Variants in KIT observed in about 807,000 individuals in gnomAD.
The protein encoded by KIT is mast/stem cell growth factor receptor Kit.
A neutral mutation model predicts 105.7 loss-of-function variants in KIT; 16 were observed. That is an observed-to-expected ratio of 0.15 (90% CI 0.10 to 0.23). The LOEUF is 0.23. Among genes scored for constraint, KIT ranks in the 10% least tolerant of loss-of-function variants. KIT has a pLI of 1.00. For missense variants in KIT, 858 were observed against 1,213.8 expected (o/e 0.71, Z 4.36); for synonymous variants, 438 against 441.1 (o/e 0.99, Z 0.09).
At chr4:54,658,472 G>T (rs1011389103) in intron 1 of KIT, among the ~76,000 whole-genome samples, 15 of 152,112 alleles carry the variant, frequency 9.9e-5, no homozygotes, top group African/African-American at 3.4e-4. Context: ...AGGCGCGGCC[G>T]CAGCTTCCTT....
chr4:54,695,547 T>C lies in KIT; in HGVS notation c.103T>C (p.Ser35Pro). The stretch of plus-strand genomic sequence containing the variant: ...ACCATCTGTGAGTCCAGGGGAACCG[T>C]CTCCACCATCCATCCATCCAGGAAA... ...SQPSVSPGEP[S>P]PPSIHPGKSD... Residue 35 changes from serine (S) to proline (P), a missense_variant, in exon 2 of 21, where the codon TCT becomes CCT. Around this residue, in one of 7 missense-constraint regions of KIT, gnomAD observed 401 missense variants for 601.0 expected, o/e 0.67. Transcript: ENST00000288135. 1 of 1,614,172 alleles carries C rather than the reference T, an allele frequency of 6.2e-7. No individual in the cohort carries two copies. The highest frequency in any genetic ancestry group is 1.3e-5 in the African/African-American group (1 of 75,042).
At chr4:54,722,943 G>A (rs1721989113) in intron 7 of KIT, among the ~76,000 whole-genome samples, 1 of 146,894 alleles carries the variant, frequency 6.8e-6, no homozygotes, top group African/African-American at 2.5e-5. Flanking sequence ...TCTTAGGCTG[G>A]TTTTCTTTTC....
chr4:54,736,858 C>G, intron 19 of KIT, 38 bp downstream of exon 19: 1 of 1,500,496 alleles, frequency 6.7e-7, no homozygotes, highest in Non-Finnish European at 9.3e-7. Context: ...GTCACGTTTT[C>G]CCTTTTATTT....
intron 1 of KIT, among the ~76,000 whole-genome samples, chr4:54,671,512 A>G (rs1017675453): frequency 2.6e-5 from 4 of 152,218 alleles, no homozygotes; most frequent in African/African-American, 9.7e-5. Context: ...TTAACTAATT[A>G]TGAACTCAGC....
Position 54,709,416 on chromosome 4 carries a change from C to T in KIT, c.1116-8C>T. 6.4e-7 allele frequency: 1 copy of T among 1,568,116 alleles called. No individual in the cohort carries two copies. Among genetic ancestry groups the T allele is most frequent in the Non-Finnish European group, 8.8e-7 (1 of 1,138,126 alleles). On this transcript the variant is annotated splice_region_variant and splice_polypyrimidine_tract_variant and intron_variant, in intron 6 of 20. Coordinates refer to ENST00000288135, the MANE Select transcript of KIT (RefSeq NM_000222.3). ...ACAGGTGATTGACTAGTTGTCTTTTCTTTGTAGATACGTAAGTGAACTTCA... is the reference window on the plus strand; with the variant it reads ...ACAGGTGATTGACTAGTTGTCTTTTTTTTGTAGATACGTAAGTGAACTTCA...
Position 54,694,581 on chromosome 4 carries a change from C to T in KIT, c.68-931C>T, listed in dbSNP as rs138906583. Among the ~76,000 whole-genome samples the T allele has an allele frequency of 5.7e-4, 86 of 152,140 alleles. No individual in the cohort carries two copies. The East Asian group carries it at 8.0e-3, about 14-fold the overall frequency. ...GTTGGGCGGTGGGGGCGTCTCACTGCGTTGCCCAGGCTGGTCTCGAACTCC... is the reference window on the plus strand; with the variant it reads ...GTTGGGCGGTGGGGGCGTCTCACTGTGTTGCCCAGGCTGGTCTCGAACTCC... On this transcript the variant is annotated intron_variant, in intron 1 of 20. Coordinates refer to ENST00000288135, the MANE Select transcript of KIT (RefSeq NM_000222.3).
In KIT at chr4:54,738,515, C is replaced by T. The variant is rs200275681; in HGVS notation, c.2889C>T (p.Thr963=). 12 of 1,613,970 alleles carry T rather than the reference C, an allele frequency of 7.4e-6. No individual in the cohort carries two copies. The Admixed American group carries it at 1.5e-4, about 20-fold the overall frequency. Residue 963 remains threonine (T), a synonymous_variant, in exon 21 of 21, where the codon ACC becomes ACT. Coordinates refer to ENST00000288135, the MANE Select transcript of KIT (RefSeq NM_000222.3). ...HSVRINSVGS[T]ASSSQPLLVH... is the part of the protein sequence containing the mutation. The stretch of plus-strand genomic sequence containing the variant: ...TGCGGATCAATTCTGTCGGCAGCAC[C>T]GCTTCCTCCTCCCAGCCTCTGCTTG...
In KIT at chr4:54,695,465, G is replaced by A. The variant is rs372371906; in HGVS notation, c.68-47G>A. 2.9e-5 allele frequency: 47 copies of A among 1,608,146 alleles called. No homozygotes were observed. The African/African-American group carries it at 2.9e-4, about 10-fold the overall frequency. On this transcript the variant is annotated intron_variant, in intron 1 of 20. Coordinates refer to ENST00000288135, the MANE Select transcript of KIT (RefSeq NM_000222.3). ...AGTATTGGAAGAAGTGCTTTATTTC[G>A]CCAAGGAAGAAGATCATACTCAACA...
At chr4:54,697,194 A>G (rs1720130849) in intron 2 of KIT, among the ~76,000 whole-genome samples, 1 of 152,226 alleles carries the variant, frequency 6.6e-6, no homozygotes, top group Non-Finnish European at 1.5e-5. Flanking sequence ...GGGACCATCC[A>G]TAGTTCAACC....
intron 8 of KIT, 130 bp downstream of exon 8, chr4:54,723,828 G>C (rs1044825369): frequency 5.6e-6 from 4 of 713,158 alleles, no homozygotes; most frequent in Non-Finnish European, 9.9e-6. Flanking sequence ...TTCTAGCCAT[G>C]TGGCTTTTTA....
intron 7 of KIT, among the ~76,000 whole-genome samples, chr4:54,715,013 G>T (rs541700986): frequency 1.3e-5 from 2 of 152,296 alleles, no homozygotes; most frequent in Admixed American, 1.3e-4. Flanking sequence ...TTAACAGGGG[G>T]TTGAGAAACA....
chr4:54,662,994 GA>G (rs1041804083), intron 1 of KIT, among the ~76,000 whole-genome samples: 1,620 of 141,738 alleles, frequency 0.011, 21 homozygotes, highest in African/African-American at 0.033. Context: ...CTCCAGGGGG[GA>G]AAAAAAAAAA....
intron 7 of KIT, among the ~76,000 whole-genome samples, chr4:54,710,109 G>T (rs544145362): frequency 6.6e-6 from 1 of 152,320 alleles, no homozygotes. Context: ...GAGCACCCAA[G>T]TCCTGCACTG....
At chr4:54,696,867 C>A (rs769642507) in intron 2 of KIT, among the ~76,000 whole-genome samples, 1 of 152,248 alleles carries the variant, frequency 6.6e-6, no homozygotes, top group Non-Finnish European at 1.5e-5. Flanking sequence ...TCTGTGATTG[C>A]TGAGCTAATC....
chr4:54,690,058 T>TTG (rs1553886388), intron 1 of KIT, among the ~76,000 whole-genome samples: 42 of 94,008 alleles, frequency 4.5e-4, no homozygotes, highest in African/African-American at 1.4e-3. Flanking sequence ...TTTTTTTTTG[T>TTG]GGGGGGGGGG....
rs773245194 is a variant in KIT, at chr4:54,661,134, C to T, written c.67+3053C>T. ...GGATGATGCAAGCCAGTTAAAAATC[C>T]ATCTCCCACTCCAAAACATAAAAAT... On this transcript the variant is annotated intron_variant, in intron 1 of 20. Coordinates refer to ENST00000288135, the MANE Select transcript of KIT (RefSeq NM_000222.3). Among the ~76,000 whole-genome samples, 10 of 152,110 alleles carry T rather than the reference C, an allele frequency of 6.6e-5. No individual in the cohort carries two copies. The South Asian group carries it at 8.3e-4, about 13-fold the overall frequency.
At chr4:54,688,908 A>G (rs182635767) in intron 1 of KIT, among the ~76,000 whole-genome samples, 24 of 152,336 alleles carry the variant, frequency 1.6e-4, no homozygotes, top group Admixed American at 1.4e-3. Context: ...ACAGCTGCCT[A>G]TCTTTTGATG....
chr4:54,732,810 A>G (rs1722691867), intron 16 of KIT, among the ~76,000 whole-genome samples: 1 of 152,188 alleles, frequency 6.6e-6, no homozygotes, highest in African/African-American at 2.4e-5. Context: ...GTATTTCCCT[A>G]TGAATGAAAG....
intron 1 of KIT, among the ~76,000 whole-genome samples, chr4:54,683,806 A>C (rs1351642291): frequency 6.6e-6 from 1 of 152,146 alleles, no homozygotes; most frequent in Non-Finnish European, 1.5e-5. Flanking sequence ...TTTTGCCACC[A>C]GGTGGCACGC....
Sources: gnomAD v4.1 joint callset for allele counts (sites outside exome capture counted in the v4.1 genomes callset) on GRCh38, gnomAD v4.1.1 for gene constraint, gnomAD v4.1.1 regional missense constraint, MANE v1.5 for transcripts, NCBI Gene and HGNC (gene_info 2026-07-23, HGNC 2026-07-21) for gene names.